The following SNTG1 variants were observed in gnomAD, a reference collection of about 807,000 sequenced individuals.
SNTG1 encodes gamma-1-syntrophin.
In SNTG1, 39 loss-of-function variants were observed where a neutral mutation model predicts 74.7. The observed-to-expected ratio is 0.52, with a 90% confidence interval of 0.40 to 0.68. The LOEUF is 0.68. Ranked by LOEUF, SNTG1 falls within the 30% of genes least tolerant of loss-of-function variation. The probability of loss-of-function intolerance (pLI) is 0.00; values close to 1 mark genes in which losing one functional copy is unlikely to be tolerated. For missense variants in SNTG1, 685 were observed against 609.5 expected, an observed-to-expected ratio of 1.12 and a Z score of -1.30; for synonymous variants, 254 against 217.1, an observed-to-expected ratio of 1.17 and a Z score of -1.49.
At chr8:50,607,688 T>G (rs1445398308) in intron 13 of SNTG1, among the ~76,000 whole-genome samples, 1 of 151,660 alleles carries the variant, frequency 6.6e-6, no homozygotes, top group Non-Finnish European at 1.5e-5. Flanking sequence ...TTGTCTTTCT[T>G]TCTTTATTTT....
At position 50,459,274 on chromosome 8, in the gene SNTG1, C is replaced by T. The variant is rs370632817; in HGVS notation, c.363+8545C>T. ...CATTCTTGATTCTTGTAACTTTGTA[C>T]TATGTTTTGAAATTAAACGTTGGTA... On this transcript the variant is annotated intron_variant, in intron 8 of 18. Coordinates refer to ENST00000642720, the MANE Select transcript of SNTG1 (RefSeq NM_018967.5). Among the ~76,000 whole-genome samples the T allele has an allele frequency of 1.3e-3, 203 of 152,110 alleles. 7 individuals carry two copies. The South Asian group carries it at 0.039, about 29-fold the overall frequency.
chr8:50,272,518 G>A (rs1054137505), intron 2 of SNTG1, among the ~76,000 whole-genome samples: 1 of 152,148 alleles, frequency 6.6e-6, no homozygotes, highest in Non-Finnish European at 1.5e-5. Context: ...GCAAAAATTG[G>A]CACTGGCTTC....
At chr8:50,461,273 A>T (rs1272027407) in intron 8 of SNTG1, among the ~76,000 whole-genome samples, 1 of 151,808 alleles carries the variant, frequency 6.6e-6, no homozygotes, top group East Asian at 1.9e-4. Context: ...TTATCACATC[A>T]TATTAAGAGA....
At chr8:50,617,398 A>T (rs1028901979) in intron 13 of SNTG1, among the ~76,000 whole-genome samples, 1 of 152,012 alleles carries the variant, frequency 6.6e-6, no homozygotes, top group African/African-American at 2.4e-5. Flanking sequence ...ACACACACAC[A>T]CACACACACA....
chr8:50,613,201 T>C (rs2094863238), intron 13 of SNTG1, among the ~76,000 whole-genome samples: 1 of 152,210 alleles, frequency 6.6e-6, no homozygotes, highest in African/African-American at 2.4e-5. Context: ...ATAGAATGCA[T>C]ATGAAAGACT....
chr8:50,247,146 A>G (rs1285161753), intron 2 of SNTG1, among the ~76,000 whole-genome samples: 1 of 152,174 alleles, frequency 6.6e-6, no homozygotes, highest in African/African-American at 2.4e-5. Flanking sequence ...TAGGGAACGA[A>G]CAAGATGAAT....
At position 50,680,307 on chromosome 8, in the gene SNTG1, C is replaced by T. The variant is rs968897421; in HGVS notation, c.1038+21644C>T. Among the ~76,000 whole-genome samples, 4 of 152,276 alleles carry T rather than the reference C, an allele frequency of 2.6e-5. No individual in the cohort carries two copies. In the East Asian group the frequency reaches 7.7e-4, roughly 29 times the overall value. On this transcript the variant is annotated intron_variant, in intron 15 of 18. Coordinates refer to ENST00000642720, the MANE Select transcript of SNTG1 (RefSeq NM_018967.5). ...ATAAGATAGTATTATATAGTATTAT[C>T]CTTTGTCCACATTCTCACACTGAAT...
chr8:50,432,343 T>C (rs73581374), intron 4 of SNTG1, among the ~76,000 whole-genome samples: 4,247 of 152,266 alleles, frequency 0.028, 189 homozygotes, highest in African/African-American at 0.096. Context: ...GTTTCCTTTT[T>C]TTTTTGGCCA....
chr8:50,742,681 G>A (rs997987095), intron 17 of SNTG1, among the ~76,000 whole-genome samples: 5 of 151,192 alleles, frequency 3.3e-5, no homozygotes, highest in African/African-American at 9.7e-5. Context: ...AAACAATAAA[G>A]ATTATAGTTG....
Position 50,247,090 on chromosome 8 carries a change from A to C in SNTG1, c.-28+74455A>C, listed in dbSNP as rs543278785. Among the ~76,000 whole-genome samples, 225 of 152,278 alleles carry C rather than the reference A, an allele frequency of 1.5e-3. 2 individuals carry two copies. The highest frequency in any genetic ancestry group is 4.6e-3 in the African/African-American group (191 of 41,564). On this transcript the variant is annotated intron_variant, in intron 2 of 18. Coordinates refer to ENST00000642720, the MANE Select transcript of SNTG1 (RefSeq NM_018967.5). Reference sequence around the variant, plus strand: ...AGGATTTAGTAAGCTGAACCTATTAAGGTGTTGGCTATTGTTTCTGATCTT... The same window carrying C: ...AGGATTTAGTAAGCTGAACCTATTACGGTGTTGGCTATTGTTTCTGATCTT...
chr8:49,950,834 T>C (rs1809634384), intron 1 of SNTG1, among the ~76,000 whole-genome samples: 1 of 152,226 alleles, frequency 6.6e-6, no homozygotes, highest in South Asian at 2.1e-4. Flanking sequence ...TCCCCAGCTC[T>C]CCTCTACTTC....
intron 2 of SNTG1, among the ~76,000 whole-genome samples, chr8:50,236,746 G>A (rs183911199): frequency 4.4e-4 from 67 of 151,982 alleles, no homozygotes; most frequent in African/African-American, 1.5e-3. Context: ...CACCGCGCCC[G>A]GCCAAAAATT....
At chr8:50,315,976 T>C (rs562042728) in intron 2 of SNTG1, among the ~76,000 whole-genome samples, 1 of 152,158 alleles carries the variant, frequency 6.6e-6, no homozygotes, top group East Asian at 1.9e-4. Context: ...CTCTCAAATG[T>C]TTTTCCCCAT....
intron 4 of SNTG1, among the ~76,000 whole-genome samples, chr8:50,425,304 T>C (rs61352858): frequency 6.6e-6 from 1 of 152,082 alleles, no homozygotes; most frequent in Non-Finnish European, 1.5e-5. Flanking sequence ...GTGATCATGC[T>C]TTACGGTCTG....
At chr8:50,751,958 T>C (rs2095568400) in intron 17 of SNTG1, 43 bp from the exon 18 acceptor site, 6 of 1,203,780 alleles carry the variant, frequency 5.0e-6, no homozygotes, top group Middle Eastern at 2.5e-4. Flanking sequence ...TGAAAGCAGA[T>C]ATTAATTCCA....
At chr8:49,945,907 C>G (rs1023017527) in intron 1 of SNTG1, among the ~76,000 whole-genome samples, 2 of 152,150 alleles carry the variant, frequency 1.3e-5, no homozygotes, top group African/African-American at 2.4e-5. Flanking sequence ...CCTTAAACGT[C>G]ATCGCTGTAT....
At chr8:50,677,251 A>C (rs1161181242) in intron 15 of SNTG1, among the ~76,000 whole-genome samples, 1 of 152,014 alleles carries the variant, frequency 6.6e-6, no homozygotes, top group Non-Finnish European at 1.5e-5. Context: ...TAAAAATGTG[A>C]GAGTACATCT....
At position 49,939,839 on chromosome 8, in the gene SNTG1, G is replaced by A. The variant is rs146438821; in HGVS notation, c.-103+27608G>A. 1.3e-4 allele frequency among the ~76,000 whole-genome samples: 20 copies of A among 152,290 alleles called. No individual in the cohort carries two copies. The East Asian group carries it at 3.5e-3, about 26-fold the overall frequency. On this transcript the variant is annotated intron_variant, in intron 1 of 18. Coordinates refer to ENST00000642720, the MANE Select transcript of SNTG1 (RefSeq NM_018967.5). The stretch of plus-strand genomic sequence containing the variant: ...GTTCTAACCATGGGCTTCTTGGAAA[G>A]TCAGCAGCTCCTGAGAGGTCTAGGG...
intron 1 of SNTG1, among the ~76,000 whole-genome samples, chr8:49,977,415 T>C (rs1036823026): frequency 6.6e-6 from 1 of 152,276 alleles, no homozygotes. Context: ...GAGTGCTCCA[T>C]CCCAGAGACC....
Sources: allele counts gnomAD v4.1 joint callset (sites outside exome capture counted in the v4.1 genomes callset), GRCh38; gene constraint gnomAD v4.1.1; transcripts MANE v1.5; gene names NCBI Gene and HGNC (gene_info 2026-07-23, HGNC 2026-07-21).